PIK3CB: variants seen among roughly 807,000 people sequenced by gnomAD.
PIK3CB encodes the protein phosphatidylinositol 4,5-bisphosphate 3-kinase catalytic subunit beta isoform.
Under a neutral mutation model 136.8 loss-of-function variants are expected in PIK3CB, and 39 were observed. The observed-to-expected ratio is 0.29, with a 90% CI of 0.22 to 0.37. The LOEUF (loss-of-function observed/expected upper bound fraction) is 0.37, where lower values mean the gene tolerates loss of function less well. PIK3CB is among the 10% of genes least tolerant of loss of function. PIK3CB has a pLI of 1.00. For synonymous variants in PIK3CB, 428 were observed against 436.6 expected, an observed-to-expected ratio of 0.98 and a Z score of 0.25; for missense variants, 868 against 1,275.4, an observed-to-expected ratio of 0.68 and a Z score of 4.87.
intron 8 of PIK3CB, among the ~76,000 whole-genome samples, chr3:138,718,583 T>G (rs2044660931): frequency 6.6e-6 from 1 of 152,164 alleles, no homozygotes; most frequent in African/African-American, 2.4e-5. Flanking sequence ...GTCATAAAAT[T>G]TTTGCCCATT....
chr3:138,833,722 T>C (rs772932974), intron 1 of PIK3CB, among the ~76,000 whole-genome samples: 1 of 152,220 alleles, frequency 6.6e-6, no homozygotes, highest in Non-Finnish European at 1.5e-5. Flanking sequence ...TCTGTTTCCA[T>C]ACTCTTCGTG....
intron 1 of PIK3CB, among the ~76,000 whole-genome samples, chr3:138,799,925 C>T (rs2046153546): frequency 6.6e-6 from 1 of 152,134 alleles, no homozygotes; most frequent in South Asian, 2.1e-4. Context: ...GAGATCCACC[C>T]ACTTCAGCCT....
intron 17 of PIK3CB, 119 bp downstream of exon 17, chr3:138,684,506 T>C: frequency 1.6e-6 from 1 of 610,648 alleles, no homozygotes; most frequent in Non-Finnish European, 2.6e-6. Flanking sequence ...TTTAAGATTT[T>C]CCTTCCTTAA....
chr3:138,734,306 T>G (rs1291388614), intron 7 of PIK3CB, among the ~76,000 whole-genome samples: 1 of 152,190 alleles, frequency 6.6e-6, no homozygotes, highest in Non-Finnish European at 1.5e-5. Flanking sequence ...ATTCAATTAT[T>G]TCTGCACATC....
chr3:138,827,232 C>T (rs1014593068), intron 1 of PIK3CB, among the ~76,000 whole-genome samples: 7 of 152,120 alleles, frequency 4.6e-5, no homozygotes, highest in African/African-American at 1.4e-4. Flanking sequence ...TCCTTATTTT[C>T]AAAAAGACTA....
At chr3:138,785,116 C>T (rs1203497459) in intron 2 of PIK3CB, among the ~76,000 whole-genome samples, 4 of 151,646 alleles carry the variant, frequency 2.6e-5, no homozygotes, top group Non-Finnish European at 5.9e-5. Flanking sequence ...AGCCCCCGCT[C>T]GGCCAGCCGC....
chr3:138,748,453 A>G (rs1264912511), intron 4 of PIK3CB, among the ~76,000 whole-genome samples: 1 of 152,056 alleles, frequency 6.6e-6, no homozygotes, highest in East Asian at 1.9e-4. Context: ...TACTATAGCA[A>G]CCTCTGCATA....
intron 19 of PIK3CB, among the ~76,000 whole-genome samples, chr3:138,674,953 G>GA (rs1236630385): frequency 6.6e-6 from 1 of 152,082 alleles, no homozygotes; most frequent in Non-Finnish European, 1.5e-5. Flanking sequence ...CAGCTACTTG[G>GA]GAGGCTGAGG....
chr3:138,723,851 T>C (rs2093643564), intron 8 of PIK3CB, among the ~76,000 whole-genome samples: 1 of 152,202 alleles, frequency 6.6e-6, no homozygotes, highest in African/African-American at 2.4e-5. Context: ...CACTACATTT[T>C]TGCCCTTAGA....
chr3:138,696,829 A>C (rs2044147287), intron 13 of PIK3CB, among the ~76,000 whole-genome samples: 1 of 152,118 alleles, frequency 6.6e-6, no homozygotes, highest in Non-Finnish European at 1.5e-5. Context: ...GGAAGAGACC[A>C]TTTCCTGGGT....
chr3:138,789,560 G>C (rs2046025049), intron 2 of PIK3CB, among the ~76,000 whole-genome samples: 1 of 152,200 alleles, frequency 6.6e-6, no homozygotes. Context: ...GATTTACTCA[G>C]ATTTGTACAC....
rs750589270 is a variant in PIK3CB, at chr3:138,759,170, T to G, written c.171+3A>C. On this transcript the variant is annotated splice_donor_region_variant and intron_variant, in intron 3 of 23. Coordinates refer to ENST00000674063, the MANE Select transcript of PIK3CB (RefSeq NM_006219.3). ...CACATAGAAATTATACCTATTAACA[T>G]ACCTGCTTAATATAAGAAATGGTAG... The G allele has an allele frequency of 6.3e-7, 1 of 1,591,086 alleles. No individual in the cohort carries two copies.
chr3:138,758,761 C>T (rs529638494), intron 3 of PIK3CB, among the ~76,000 whole-genome samples: 29 of 152,192 alleles, frequency 1.9e-4, no homozygotes, highest in South Asian at 4.1e-4. Flanking sequence ...TACAAATCAA[C>T]GGTGCTCATC....
chr3:138,747,053 TTTATATATATATATATATATATATATA>T (rs1302856541), intron 4 of PIK3CB, among the ~76,000 whole-genome samples: 2 of 78,358 alleles, frequency 2.6e-5, no homozygotes, highest in African/African-American at 5.1e-5. Flanking sequence ...CTATTCAGCC[TTTATATATATATATATATATATATATA>T]TATATATATA....
At chr3:138,825,410 AT>A in intron 1 of PIK3CB, 1 of 656,084 alleles carries the variant, frequency 1.5e-6, no homozygotes, top group Admixed American at 2.1e-5. Flanking sequence ...AACAAAATGG[AT>A]TCCACTGAGC....
intron 2 of PIK3CB, among the ~76,000 whole-genome samples, chr3:138,775,143 G>A (rs2045843271): frequency 6.6e-6 from 1 of 152,234 alleles, no homozygotes; most frequent in Non-Finnish European, 1.5e-5. Flanking sequence ...ATCTGTCCTT[G>A]ATGCCAAGTC....
At chr3:138,708,263 CTTTTT>C (rs61178842) in intron 10 of PIK3CB, among the ~76,000 whole-genome samples, 4 of 108,878 alleles carry the variant, frequency 3.7e-5, no homozygotes, top group Non-Finnish European at 3.7e-5. Flanking sequence ...TTTTCTTTTT[CTTTTT>C]TTTTTTTTTT....
chr3:138,692,747 T>C (rs1426760849), intron 14 of PIK3CB, among the ~76,000 whole-genome samples: 1 of 152,196 alleles, frequency 6.6e-6, no homozygotes, highest in African/African-American at 2.4e-5. Context: ...ATCCACACTA[T>C]TTTGTGGGCT....
intron 2 of PIK3CB, among the ~76,000 whole-genome samples, chr3:138,768,838 G>A (rs906862343): frequency 2.6e-5 from 4 of 152,246 alleles, no homozygotes; most frequent in Non-Finnish European, 5.9e-5. Context: ...CTGCTCCAAG[G>A]TCAGACTGGG....
Sources: gnomAD v4.1 joint callset for allele counts (sites outside exome capture counted in the v4.1 genomes callset) on GRCh38, gnomAD v4.1.1 for gene constraint, MANE v1.5 for transcripts, NCBI Gene and HGNC (gene_info 2026-07-23, HGNC 2026-07-21) for gene names.